Variants in EVC observed in about 807,000 individuals in gnomAD.
EVC encodes evC complex member EVC.
A neutral mutation model predicts 118.9 loss-of-function variants in EVC; 116 were observed. The observed-to-expected ratio is 0.98, with a 90% CI of 0.84 to 1.14. The LOEUF (loss-of-function observed/expected upper bound fraction) is 1.14. Among genes scored for constraint, EVC ranks in the 50% most tolerant of loss-of-function variants. The pLI is 0.00. For missense variants in EVC, 1,401 were observed against 1,246.4 expected (o/e 1.12, Z -1.87); for synonymous variants, 619 against 534.7 (o/e 1.16, Z -2.18).
chr4:5,758,042 C>T (rs1467368145), intron 11 of EVC: 13 of 701,718 alleles, frequency 1.9e-5, no homozygotes, highest in Admixed American at 8.0e-5. Context: ...CTACTGGATT[C>T]GGGTGGGCCC....
chr4:5,781,425 C>G (rs907039838), intron 11 of EVC, among the ~76,000 whole-genome samples: 2 of 152,022 alleles, frequency 1.3e-5, no homozygotes, highest in Admixed American at 1.3e-4. Context: ...TCAGAAATGC[C>G]CATGTTAGTG....
At chr4:5,787,063 T>G (rs1711795531) in intron 12 of EVC, among the ~76,000 whole-genome samples, 1 of 152,234 alleles carries the variant, frequency 6.6e-6, no homozygotes, top group Non-Finnish European at 1.5e-5. Flanking sequence ...CCACATTGTT[T>G]TCTATCCAAA....
At chr4:5,761,569 T>G (rs1732022815) in intron 11 of EVC, among the ~76,000 whole-genome samples, 1 of 151,862 alleles carries the variant, frequency 6.6e-6, no homozygotes, top group African/African-American at 2.4e-5. Context: ...CTTTCGTTAG[T>G]GCCTAGTAAA....
intron 11 of EVC, among the ~76,000 whole-genome samples, chr4:5,775,888 A>G (rs936725641): frequency 6.6e-6 from 1 of 152,218 alleles, no homozygotes; most frequent in Non-Finnish European, 1.5e-5. Context: ...AGGAGAATTA[A>G]TGTGTTTACA....
rs1196714835 is a variant in EVC at position 5,737,471 on chromosome 4, T to G, written c.702+4036T>G. Among the ~76,000 whole-genome samples, 1 of 152,160 alleles carries G rather than the reference T, an allele frequency of 6.6e-6. No individual in the cohort carries two copies. Among genetic ancestry groups the G allele is most frequent in the Admixed American group, 6.5e-5 (1 of 15,280 alleles). ...ATGGAAGAAGATGCCATCTAAGACT[T>G]CATAGCTAAAGAGGAGAAGTCAATA... On this transcript the variant is annotated intron_variant, in intron 5 of 20. Transcript: ENST00000264956. The surrounding 1 kb of genome is among the most constrained non-coding windows in gnomAD (Gnocchi z 5.0).
chr4:5,730,910 G>C (rs74601912), intron 3 of EVC, among the ~76,000 whole-genome samples: 7 of 123,932 alleles, frequency 5.6e-5, no homozygotes, highest in South Asian at 2.6e-4. Context: ...TCCTGTGGGC[G>C]TGGTGTGCAT....
At chr4:5,747,943 G>C in intron 7 of EVC, 1 of 612,024 alleles carries the variant, frequency 1.6e-6, no homozygotes, top group Non-Finnish European at 2.9e-6. Flanking sequence ...TTGCAAAACT[G>C]ACTGACACTG....
At chr4:5,817,479 G>C (rs981294565), downstream of EVC, among the ~76,000 whole-genome samples, 1 of 152,218 alleles carries the variant, frequency 6.6e-6, no homozygotes, top group African/African-American at 2.4e-5. Context: ...ACCAGTGAGA[G>C]GCTTTACTCT....
At chr4:5,818,354 G>A (rs918560967), downstream of EVC, among the ~76,000 whole-genome samples, 5 of 152,112 alleles carry the variant, frequency 3.3e-5, no homozygotes, top group Non-Finnish European at 5.9e-5. Flanking sequence ...AAATGCAGAG[G>A]GGCCAGAACC....
Position 5,731,150 on chromosome 4 carries a change from C to T in EVC, c.385-275C>T, listed in dbSNP as rs902493646. Reference sequence around the variant, plus strand: ...CTGGGAGGAGGGTGCGCTGGGTGTCCGGGGCACAGATCCAGGTTGGCAGTT... The same window carrying T: ...CTGGGAGGAGGGTGCGCTGGGTGTCTGGGGCACAGATCCAGGTTGGCAGTT... On this transcript the variant is annotated intron_variant, in intron 3 of 20. Coordinates refer to ENST00000264956, the MANE Select transcript of EVC (RefSeq NM_153717.3). This position sits in a 1 kb window ranked among gnomAD's most constrained non-coding sequence, Gnocchi z 5.6. 4.6e-5 allele frequency among the ~76,000 whole-genome samples: 7 copies of T among 151,892 alleles called. No individual in the cohort carries two copies. Among genetic ancestry groups the T allele is most frequent in the East Asian group, 1.9e-4 (1 of 5,144 alleles).
chr4:5,747,121 G>T (rs1290751054), intron 7 of EVC, among the ~76,000 whole-genome samples: 3 of 152,088 alleles, frequency 2.0e-5, no homozygotes, highest in Non-Finnish European at 4.4e-5. Context: ...GGGAGGCAAT[G>T]GGGCCCTGAG....
At chr4:5,774,395 C>T (rs1267207592) in intron 11 of EVC, among the ~76,000 whole-genome samples, 5 of 152,134 alleles carry the variant, frequency 3.3e-5, no homozygotes, top group African/African-American at 1.2e-4. Flanking sequence ...ATGATACTAG[C>T]TAGCATTTAT....
In EVC at chr4:5,786,655, T is replaced by C. The variant is rs558073305; in HGVS notation, c.1776+2891T>C. ...TTGGGAGGCCAAGACGGGCGGATCA[T>C]GAGGTCAGGAGATCGAGACCATCCT... On this transcript the variant is annotated intron_variant, in intron 12 of 20. Coordinates refer to ENST00000264956, the MANE Select transcript of EVC (RefSeq NM_153717.3). Among the ~76,000 whole-genome samples the C allele has an allele frequency of 2.2e-4, 33 of 152,252 alleles. No homozygotes were observed. In the South Asian group the frequency reaches 3.9e-3, roughly 18 times the overall value.
At chr4:5,819,953 C>T in the EVC span, among the ~76,000 whole-genome samples, 1 of 152,172 alleles carries the variant, frequency 6.6e-6, no homozygotes. Flanking sequence ...AAAAGCCCTG[C>T]GTTGATGTGG....
chr4:5,815,517 A>G (rs1389001332), downstream of EVC, among the ~76,000 whole-genome samples: 2 of 152,134 alleles, frequency 1.3e-5, no homozygotes, highest in African/African-American at 2.4e-5. Context: ...TATAGGGGGA[A>G]CGAATCGATC....
chr4:5,827,442 G>GA, the EVC span, among the ~76,000 whole-genome samples: 42 of 152,182 alleles, frequency 2.8e-4, no homozygotes, highest in African/African-American at 9.9e-4. Context: ...GGAAGCTGGG[G>GA]AGAGACCAAA....
chr4:5,801,003 T>A (rs1299045901), intron 15 of EVC, among the ~76,000 whole-genome samples: 1 of 152,208 alleles, frequency 6.6e-6, no homozygotes, highest in Non-Finnish European at 1.5e-5. Context: ...CATCCTCTTA[T>A]GAGGAAAAGA....
chr4:5,825,776 GCACACA>G, the EVC span: 16 of 903,506 alleles, frequency 1.8e-5, 1 homozygote, highest in African/African-American at 1.1e-4. The surrounding 1 kb of genome is among the most constrained non-coding windows in gnomAD (Gnocchi z 4.4). Flanking sequence ...AAATGTGCAT[GCACACA>G]CACACACAAC....
In EVC at chr4:5,719,746, C is replaced by A. The variant is rs1724635201; in HGVS notation, c.300+373C>A. 6.6e-6 allele frequency among the ~76,000 whole-genome samples: 1 copy of A among 152,248 alleles called. No homozygotes were observed. Among genetic ancestry groups the A allele is most frequent in the Non-Finnish European group, 1.5e-5 (1 of 68,022 alleles). On this transcript the variant is annotated intron_variant, in intron 2 of 20. Transcript: ENST00000264956. The surrounding 1 kb of genome is among the most constrained non-coding windows in gnomAD (Gnocchi z 4.7). ...CAAATGGAATTGTGCTGTTCTGTGCCTGTGTTCCCTCCACAGAATGCCTTA... is the reference window on the plus strand; with the variant it reads ...CAAATGGAATTGTGCTGTTCTGTGCATGTGTTCCCTCCACAGAATGCCTTA...
Sources: allele counts gnomAD v4.1 joint callset (sites outside exome capture counted in the v4.1 genomes callset), GRCh38; gene constraint gnomAD v4.1.1; non-coding constraint Gnocchi (gnomAD v3.1); transcripts MANE v1.5; gene names NCBI Gene and HGNC (gene_info 2026-07-23, HGNC 2026-07-21).